Variants in PTBP3 observed in about 807,000 individuals in gnomAD.
PTBP3 encodes polypyrimidine tract binding protein 3.
PTBP3 carries 20 observed loss-of-function variants against 58.7 expected under a neutral mutation model. The ratio of observed to expected loss-of-function variants is 0.34; its 90% CI spans 0.24 to 0.50. The LOEUF (loss-of-function observed/expected upper bound fraction) is 0.50, where lower values mean the gene tolerates loss of function less well. Among genes scored for constraint, PTBP3 ranks in the 20% least tolerant of loss-of-function variants. The pLI, the probability that PTBP3 is intolerant of heterozygous loss-of-function variation, is 0.98. For missense variants in PTBP3, 509 were observed against 637.2 expected (o/e 0.80, Z 2.17); for synonymous variants, 185 against 219.8 (o/e 0.84, Z 1.40).
At chr9:112,373,101 T>C in the PTBP3 span, among the ~76,000 whole-genome samples, 1 of 152,082 alleles carries the variant, frequency 6.6e-6, no homozygotes, top group Admixed American at 6.6e-5. Flanking sequence ...TTTCACCGTG[T>C]TAGCCAGGAT....
intron 2 of PTBP3, among the ~76,000 whole-genome samples, chr9:112,289,187 C>T (rs993155769): frequency 3.9e-5 from 6 of 152,084 alleles, no homozygotes; most frequent in African/African-American, 1.2e-4. Flanking sequence ...TTTCTTTTCT[C>T]TTTTTCTCTT....
At chr9:112,257,123 G>T (rs553108277) in intron 5 of PTBP3, among the ~76,000 whole-genome samples, 4 of 152,250 alleles carry the variant, frequency 2.6e-5, no homozygotes, top group African/African-American at 9.6e-5. Flanking sequence ...GGACAGCTTG[G>T]TGTTTTGCTG....
In PTBP3 at chr9:112,222,968, T is replaced by C; in HGVS notation, c.*883A>G. The C allele has an allele frequency of 1.2e-6, 1 of 853,972 alleles. No individual in the cohort carries two copies. Among genetic ancestry groups the C allele is most frequent in the South Asian group, 5.4e-5 (1 of 18,482 alleles). 52.9% of individuals were successfully genotyped at this position (853,972 alleles called of 1,614,324 possible). A position where few individuals can be genotyped will look rare whatever the true frequency, so the allele number is the denominator to read the frequency against. On this transcript the variant is annotated 3_prime_UTR_variant, in exon 14 of 14. Transcript: ENST00000374257. Reference sequence around the variant, plus strand: ...TAGACCTGAATATTTTCCTTAAGACTGTAAACTTTTTTTCTGAAAACAATT... The same window carrying C: ...TAGACCTGAATATTTTCCTTAAGACCGTAAACTTTTTTTCTGAAAACAATT...
intron 10 of PTBP3, among the ~76,000 whole-genome samples, chr9:112,230,289 G>A (rs1835151326): frequency 6.6e-6 from 1 of 152,120 alleles, no homozygotes; most frequent in African/African-American, 2.4e-5. Context: ...TCACACCACT[G>A]CACTCCAGCC....
chr9:112,349,863 C>CAAAAAAAAAAAAAAAA, the PTBP3 span, among the ~76,000 whole-genome samples: 8 of 49,696 alleles, frequency 1.6e-4, 1 homozygote, highest in African/African-American at 4.5e-4. Context: ...GACTCTGTCT[C>CAAAAAAAAAAAAAAAA]AAAAAAAAAA....
At chr9:112,234,270 TC>T (rs2131994154) in intron 8 of PTBP3, among the ~76,000 whole-genome samples, 1 of 152,260 alleles carries the variant, frequency 6.6e-6, no homozygotes, top group East Asian at 1.9e-4. Context: ...CTTAATTACC[TC>T]CATTAGCTAA....
chr9:112,364,231 A>T, the PTBP3 span, among the ~76,000 whole-genome samples: 2 of 117,092 alleles, frequency 1.7e-5, no homozygotes, highest in Non-Finnish European at 1.6e-5. Context: ...CAGTAGCAAG[A>T]TCTTTAAAAA....
chr9:112,332,710 G>A (rs760158254), intron 1 of PTBP3: 63 of 1,557,746 alleles, frequency 4.0e-5, no homozygotes, highest in Non-Finnish European at 5.1e-5. Context: ...TTTTATTTTG[G>A]TCACGGACCC....
At chr9:112,332,996 T>A in intron 1 of PTBP3, 1 of 1,292,878 alleles carries the variant, frequency 7.7e-7, no homozygotes. Context: ...TACCGACGCG[T>A]GCACCCGCCG....
At position 112,270,444 on chromosome 9, in the gene PTBP3, G is replaced by A. The variant is rs944695124; in HGVS notation, c.205-2249C>T. ...CACACTAAACTGGCCAGAAAAGAGT[G>A]CTATTTGGGGAATATCAAGTTTTAC... On this transcript the variant is annotated intron_variant, in intron 3 of 13. Transcript: ENST00000374257. Among the ~76,000 whole-genome samples the A allele has an allele frequency of 2.6e-5, 4 of 152,108 alleles. 1 individual carries two copies. The highest frequency in any genetic ancestry group is 4.1e-4 in the South Asian group (2 of 4,830).
chr9:112,356,567 A>G, the PTBP3 span, among the ~76,000 whole-genome samples: 12 of 106,608 alleles, frequency 1.1e-4, no homozygotes, highest in Non-Finnish European at 1.7e-4. Context: ...GGTGTGGTAC[A>G]TAAAGCAACA....
At chr9:112,306,694 C>T (rs1333130765) in intron 1 of PTBP3, among the ~76,000 whole-genome samples, 1 of 151,794 alleles carries the variant, frequency 6.6e-6, no homozygotes, top group Non-Finnish European at 1.5e-5. Flanking sequence ...GGGTTCACTG[C>T]AACCTCTGCT....
At chr9:112,333,242 T>A (rs931474105) in intron 1 of PTBP3, among the ~76,000 whole-genome samples, 1 of 151,850 alleles carries the variant, frequency 6.6e-6, no homozygotes, top group Non-Finnish European at 1.5e-5. Flanking sequence ...GCAGCGGACG[T>A]GTCCGGGGCG....
At chr9:112,333,152 G>T in intron 1 of PTBP3, 1 of 1,217,340 alleles carries the variant, frequency 8.2e-7, no homozygotes, top group Non-Finnish European at 1.0e-6. Flanking sequence ...CCCCGGACTC[G>T]GGGCGCGGAG....
At position 112,231,955 on chromosome 9, in the gene PTBP3, A is replaced by AGG. The variant is rs1835225736; in HGVS notation, c.1020+143_1020+144insCC. 4 of 378,594 alleles carry AGG rather than the reference A, an allele frequency of 1.1e-5. No homozygotes were observed. In the East Asian group the frequency reaches 1.7e-4, roughly 16 times the overall value. 23.5% of individuals were successfully genotyped at this position (378,594 alleles called of 1,614,324 possible). ...AAGAGAAGAGAAGAGAAGAGAAGAGAAGAGAAGAGAAGAGAGAAGAGAAGA... is the reference window on the plus strand; with the variant it reads ...AAGAGAAGAGAAGAGAAGAGAAGAGAGGAGAGAAGAGAAGAGAGAAGAGAAGA... On this transcript the variant is annotated intron_variant, in intron 9 of 13. Transcript: ENST00000374257.
At chr9:112,231,954 G>C in intron 9 of PTBP3, 145 bp downstream of exon 9, 1 of 379,016 alleles carries the variant, frequency 2.6e-6, no homozygotes, top group East Asian at 4.4e-5. Flanking sequence ...GAAGAGAAGA[G>C]AAGAGAAGAG....
intron 1 of PTBP3, among the ~76,000 whole-genome samples, chr9:112,317,809 T>C (rs1398815580): frequency 1.3e-5 from 2 of 151,970 alleles, no homozygotes; most frequent in Non-Finnish European, 2.9e-5. Context: ...TAGCCGGGCA[T>C]GGTGGTGTGC....
intron 7 of PTBP3, among the ~76,000 whole-genome samples, chr9:112,236,257 T>C (rs1423649739): frequency 6.6e-6 from 1 of 152,002 alleles, no homozygotes; most frequent in Non-Finnish European, 1.5e-5. Flanking sequence ...ACACTGAGAT[T>C]CAAAAAATGA....
Position 112,222,204 on chromosome 9 carries a change from T to G in PTBP3, c.*1647A>C. ...AATGACCCTTTTGACAAATTCTGCT[T>G]TAAAAAATTCTGATCAACAATTGAA... On this transcript the variant is annotated 3_prime_UTR_variant, in exon 14 of 14. Coordinates refer to ENST00000374257, the MANE Select transcript of PTBP3 (RefSeq NM_001163788.4). The G allele has an allele frequency of 1.0e-6, 1 of 983,702 alleles. No individual in the cohort carries two copies. The highest frequency in any genetic ancestry group is 1.2e-6 in the Non-Finnish European group (1 of 827,928). 60.9% of individuals were successfully genotyped at this position (983,702 alleles called of 1,614,324 possible).
Sources: gnomAD v4.1 joint callset for allele counts (sites outside exome capture counted in the v4.1 genomes callset) on GRCh38, gnomAD v4.1.1 for gene constraint, MANE v1.5 for transcripts, NCBI Gene and HGNC (gene_info 2026-07-23, HGNC 2026-07-21) for gene names.